The following CD40 variants were observed in gnomAD, a reference collection of about 807,000 sequenced individuals.
CD40 encodes tumor necrosis factor receptor superfamily member 5.
Under a neutral mutation model 38.5 loss-of-function variants are expected in CD40, and 19 were observed. That is an observed-to-expected ratio of 0.49 (90% CI 0.34 to 0.72). CD40 has a LOEUF of 0.72. Among genes scored for constraint, CD40 ranks in the 30% least tolerant of loss-of-function variants. The pLI, the probability that CD40 is intolerant of heterozygous loss-of-function variation, is 0.01. For missense variants in CD40, 256 were observed against 344.1 expected, an observed-to-expected ratio of 0.74 and a Z score of 2.03; for synonymous variants, 130 against 128.7, an observed-to-expected ratio of 1.01 and a Z score of -0.07.
intron 8 of CD40, chr20:46,128,609 G>T (rs948282712): frequency 1.4e-6 from 1 of 698,610 alleles, no homozygotes; most frequent in Non-Finnish European, 2.6e-6. Context: ...GGCATTCAAC[G>T]CGTGGGGAGC....
rs2085443021 is a variant in CD40, at chr20:46,126,648, C to T, written c.506C>T (p.Thr169Ile). The T allele has an allele frequency of 3.1e-6, 5 of 1,614,002 alleles. No individual in the cohort carries two copies. The South Asian group carries it at 5.5e-5, about 18-fold the overall frequency. Residue 169 changes from threonine to isoleucine, a missense_variant, in exon 6 of 9, where the codon ACC becomes ATC. By Grantham distance (89) the Thr-to-Ile change is moderately conservative. Coordinates refer to ENST00000372285, the MANE Select transcript of CD40 (RefSeq NM_001250.6). ...EKCHPWTSCE[T>I]KDLVVQQAGT... ...CACGTGTCTGTGCATAGCTGTGAGA[C>T]CAAAGACCTGGTTGTGCAACAGGCA...
Position 46,128,883 on chromosome 20 carries a change from C to T in CD40, c.677C>T (p.Ala226Val), listed in dbSNP as rs773019543. 1.2e-6 allele frequency: 2 copies of T among 1,613,872 alleles called. No individual in the cohort carries two copies. The highest frequency in any genetic ancestry group is 1.7e-5 in the Admixed American group (1 of 60,024). ...KKVAKKPTNK[A>V]PHPKQEPQEI... ...TGACCTCACACCTTGCCTCTCCAGG[C>T]CCCCCACCCCAAGCAGGAACCCCAG... Residue 226 changes from alanine to valine, a missense_variant and splice_region_variant, in exon 9 of 9, where the codon GCC becomes GTC. Ala to Val is a moderately conservative substitution (Grantham distance 64). Coordinates refer to ENST00000372285, the MANE Select transcript of CD40 (RefSeq NM_001250.6).
chr20:46,119,621 A>G (rs1467977669), intron 1 of CD40, among the ~76,000 whole-genome samples: 1 of 152,234 alleles, frequency 6.6e-6, no homozygotes, highest in Non-Finnish European at 1.5e-5. Context: ...CAACAATGTC[A>G]GAAGCTATCT....
At chr20:46,124,257 G>A (rs1210921962) in intron 5 of CD40, among the ~76,000 whole-genome samples, 3 of 152,160 alleles carry the variant, frequency 2.0e-5, no homozygotes, top group South Asian at 2.1e-4. Context: ...CCAAGATAGC[G>A]CCACTGCACT....
intron 6 of CD40, 52 bp from the exon 7 acceptor site, chr20:46,128,086 G>T: frequency 6.2e-7 from 1 of 1,614,082 alleles, no homozygotes; most frequent in Non-Finnish European, 8.5e-7. Flanking sequence ...CAGGTTGAGG[G>T]TAGGGAGAAA....
intron 8 of CD40, chr20:46,128,611 G>A (rs775731299): frequency 2.0e-5 from 14 of 697,242 alleles, no homozygotes; most frequent in Non-Finnish European, 3.3e-5. Flanking sequence ...CATTCAACGC[G>A]TGGGGAGCTG....
At position 46,119,189 on chromosome 20, in the gene CD40, CT is replaced by C. The variant is rs945561169; in HGVS notation, c.51+800del. 8.5e-5 allele frequency among the ~76,000 whole-genome samples: 13 copies of C among 152,332 alleles called. No homozygotes were observed. In the East Asian group the frequency reaches 2.3e-3, roughly 27 times the overall value. ...TTTTCAGAAGCCTACACTTGACTCA[CT>C]TTTTGTTTAAATGTATTTTTGTAGT... On this transcript the variant is annotated intron_variant, in intron 1 of 8. Coordinates refer to ENST00000372285, the MANE Select transcript of CD40 (RefSeq NM_001250.6).
Position 46,128,334 on chromosome 20 carries a change from G to C in CD40, c.651G>C (p.Lys217Asn). 1.3e-6 allele frequency: 2 copies of C among 1,484,948 alleles called. No individual in the cohort carries two copies. The highest frequency in any genetic ancestry group is 1.8e-6 in the Non-Finnish European group (2 of 1,085,072). 92.0% of individuals were successfully genotyped at this position (1,484,948 alleles called of 1,614,324 possible). Reference protein sequence around the residue: ...AILLVLVFIKKVAKKPTNKAP... With the variant: ...AILLVLVFIKNVAKKPTNKAP... The stretch of plus-strand genomic sequence containing the variant: ...TTTTTTTTTTTTTTTTTTTAGAAAA[G>C]GTGGCCAAGAAGCCAACCAATAAGG... The change falls in exon 8 of 9, where the codon AAG (lysine) becomes AAC (asparagine). Residue 217 changes from lysine (K) to asparagine (N), a missense_variant. Coordinates refer to ENST00000372285, the MANE Select transcript of CD40 (RefSeq NM_001250.6).
In CD40 at chr20:46,122,229, C is replaced by T; in HGVS notation, c.131-4C>T. ...GCCCTCCCTCATTTCCTGATGTTTTCCAGGACAGAAACTGGTGAGTGACTG... is the reference window on the plus strand; with the variant it reads ...GCCCTCCCTCATTTCCTGATGTTTTTCAGGACAGAAACTGGTGAGTGACTG... On this transcript the variant is annotated splice_polypyrimidine_tract_variant and splice_region_variant and intron_variant, in intron 2 of 8. Transcript: ENST00000372285. This position sits in a 1 kb window ranked among gnomAD's most constrained non-coding sequence, Gnocchi z 5.0. The T allele has an allele frequency of 6.2e-7, 1 of 1,614,122 alleles. No individual in the cohort carries two copies. Among genetic ancestry groups the T allele is most frequent in the African/African-American group, 1.3e-5 (1 of 75,040 alleles).
chr20:46,128,511 C>G (rs1283851741), intron 8 of CD40, 153 bp downstream of exon 8: 1 of 833,508 alleles, frequency 1.2e-6, no homozygotes, highest in Non-Finnish European at 2.0e-6. Flanking sequence ...ACCCACCATG[C>G]TCCTTCCATC....
rs762898461 is a variant in CD40 at position 46,122,574 on chromosome 20, AG to A, written c.257-31del. On this transcript the variant is annotated intron_variant, in intron 3 of 8. Transcript: ENST00000372285. The surrounding 1 kb of genome is among the most constrained non-coding windows in gnomAD (Gnocchi z 5.0). ...AGTGAGGCTCAGAGCATGGCCCAGC[AG>A]GGGGTTCCCATCCTTCCTGCCCTTC... 6.2e-6 allele frequency: 10 copies of A among 1,614,000 alleles called. No homozygotes were observed. Among genetic ancestry groups the A allele is most frequent in the South Asian group, 2.2e-5 (2 of 91,070 alleles).
intron 6 of CD40, chr20:46,126,961 A>G: frequency 1.8e-6 from 1 of 545,660 alleles, no homozygotes; most frequent in Non-Finnish European, 3.3e-6. Flanking sequence ...GTTGGCCTAC[A>G]GTAAAGATCA....
intron 5 of CD40, among the ~76,000 whole-genome samples, chr20:46,124,960 C>T (rs867339624): frequency 6.0e-5 from 9 of 151,126 alleles, no homozygotes; most frequent in Non-Finnish European, 1.2e-4. Context: ...GTAGAGACGG[C>T]GTTTCACCGT....
intron 5 of CD40, among the ~76,000 whole-genome samples, chr20:46,126,389 T>C (rs1430169422): frequency 6.6e-6 from 1 of 152,244 alleles, no homozygotes; most frequent in Non-Finnish European, 1.5e-5. Context: ...GCACTCATTA[T>C]AGACTCCCCT....
intron 6 of CD40, 144 bp downstream of exon 6, chr20:46,126,845 G>T (rs2085447637): frequency 2.2e-6 from 3 of 1,391,312 alleles, no homozygotes; most frequent in Non-Finnish European, 3.0e-6. Context: ...CACTTATCTT[G>T]GGAGTCTGGG....
chr20:46,119,433 T>G (rs967134753), intron 1 of CD40, among the ~76,000 whole-genome samples: 5 of 152,004 alleles, frequency 3.3e-5, no homozygotes, highest in African/African-American at 1.2e-4. Flanking sequence ...GCAATGGCTC[T>G]TAGGGAACAG....
chr20:46,120,203 AATG>A (rs1315041964), intron 1 of CD40, among the ~76,000 whole-genome samples: 1 of 152,200 alleles, frequency 6.6e-6, no homozygotes, highest in Non-Finnish European at 1.5e-5. Context: ...GAAACAAATG[AATG>A]ATGATTAAAA....
intron 5 of CD40, among the ~76,000 whole-genome samples, 179 bp from the exon 6 acceptor site, chr20:46,126,461 G>C (rs1445804919): frequency 6.6e-6 from 1 of 152,230 alleles, no homozygotes; most frequent in Non-Finnish European, 1.5e-5. Flanking sequence ...TCTGTAAGAA[G>C]AGTCTGTGTC....
intron 8 of CD40, 134 bp downstream of exon 8, chr20:46,128,492 G>A (rs1400340078): frequency 1.0e-6 from 1 of 958,212 alleles, no homozygotes; most frequent in Admixed American, 2.0e-5. Context: ...ATTGGGGACT[G>A]TCATCCCCAC....
Sources: allele counts gnomAD v4.1 joint callset (sites outside exome capture counted in the v4.1 genomes callset), GRCh38; gene constraint gnomAD v4.1.1; non-coding constraint Gnocchi (gnomAD v3.1); transcripts MANE v1.5; gene names NCBI Gene and HGNC (gene_info 2026-07-23, HGNC 2026-07-21).